MTUS2: variants seen among roughly 807,000 people sequenced by gnomAD.
MTUS2 encodes the protein microtubule associated scaffold protein 2.
MTUS2 carries 40 observed loss-of-function variants against 114.1 expected under a neutral mutation model. That is an observed-to-expected ratio of 0.35 (90% CI 0.27 to 0.46). The LOEUF (loss-of-function observed/expected upper bound fraction) is 0.46, where lower values mean the gene tolerates loss of function less well. Ranked by LOEUF, MTUS2 falls within the 20% of genes least tolerant of loss-of-function variation. The pLI, the probability that MTUS2 is intolerant of heterozygous loss-of-function variation, is 1.00. For missense variants in MTUS2, 1,679 were observed against 1,705.4 expected (o/e 0.98, Z 0.27); for synonymous variants, 688 against 672.0 (o/e 1.02, Z -0.37).
chr13:28,848,703 T>C (rs77527231), intron 2 of MTUS2, among the ~76,000 whole-genome samples: 6,471 of 152,190 alleles, frequency 0.043, 414 homozygotes, highest in African/African-American at 0.13. Context: ...AGCCCCACCC[T>C]ATTCCCTGCC....
intron 2 of MTUS2, among the ~76,000 whole-genome samples, chr13:28,987,343 G>A (rs567569909): frequency 2.6e-5 from 4 of 152,268 alleles, no homozygotes; most frequent in South Asian, 2.1e-4. Flanking sequence ...AGATCGAGTC[G>A]CATTGCACAG....
At chr13:29,030,473 C>T (rs922991433) in intron 3 of MTUS2, among the ~76,000 whole-genome samples, 1 of 152,194 alleles carries the variant, frequency 6.6e-6, no homozygotes, top group East Asian at 1.9e-4. Context: ...GCGCTGGGCT[C>T]ATTTCTGTGG....
At chr13:29,401,175 A>G (rs1254217963) in intron 8 of MTUS2, among the ~76,000 whole-genome samples, 1 of 152,054 alleles carries the variant, frequency 6.6e-6, no homozygotes. Flanking sequence ...TTTAGTAGAG[A>G]CGGTCTCACC....
chr13:29,121,657 C>CTT (rs547034297), intron 5 of MTUS2, among the ~76,000 whole-genome samples: 16 of 142,286 alleles, frequency 1.1e-4, no homozygotes, highest in African/African-American at 2.5e-4. Context: ...CACTTTTTCA[C>CTT]TTTTTTTTTT....
At chr13:29,113,545 A>G (rs539135851) in intron 5 of MTUS2, among the ~76,000 whole-genome samples, 130 of 152,202 alleles carry the variant, frequency 8.5e-4, no homozygotes, top group Non-Finnish European at 1.6e-3. Context: ...AGCCATTGAA[A>G]TGGGGCTGGC....
intron 12 of MTUS2, among the ~76,000 whole-genome samples, chr13:29,495,860 G>C (rs1882517209): frequency 1.3e-5 from 2 of 152,086 alleles, no homozygotes; most frequent in Admixed American, 6.5e-5. Flanking sequence ...GACAGAGTGA[G>C]ACCCTGTCTC....
At chr13:29,492,025 TGTGTGTA>T (rs1483474436) in intron 11 of MTUS2, among the ~76,000 whole-genome samples, 12 of 145,640 alleles carry the variant, frequency 8.2e-5, no homozygotes, top group East Asian at 4.2e-4. Context: ...GTGGTAGGTG[TGTGTGTA>T]GTGTGTGTGT....
chr13:29,495,203 A>AG (rs1224759708), intron 12 of MTUS2, among the ~76,000 whole-genome samples: 38 of 148,536 alleles, frequency 2.6e-4, no homozygotes, highest in Non-Finnish European at 3.7e-4. Context: ...AAAAAAAAAA[A>AG]AAACTTAAGT....
Position 29,025,217 on chromosome 13 carries a change from G to A in MTUS2, c.519G>A (p.Arg173=). Residue 173 remains arginine (R), a synonymous_variant, in exon 3 of 16, where the codon AGG becomes AGA. Coordinates refer to ENST00000612955, the MANE Select transcript of MTUS2 (RefSeq NM_001033602.4). ...AGACCCTTGACAATGAGGAACTGAG[G>A]AGGCATTCTTTGGAAAGAGCAAGCA... ...LAKTLDNEEL[R]RHSLERASSS... 3.7e-6 allele frequency: 6 copies of A among 1,613,990 alleles called. No homozygotes were observed. The highest frequency in any genetic ancestry group is 5.1e-6 in the Non-Finnish European group (6 of 1,179,890).
intron 7 of MTUS2, among the ~76,000 whole-genome samples, chr13:29,331,059 T>C (rs1018988371): frequency 1.3e-5 from 2 of 152,230 alleles, no homozygotes; most frequent in Non-Finnish European, 2.9e-5. Context: ...TGATTCTTTC[T>C]GTCCATGAGC....
rs1434281785 is a variant in MTUS2, at chr13:29,274,397, A to G, written c.2645-7307A>G. Among the ~76,000 whole-genome samples, 4 of 152,168 alleles carry G rather than the reference A, an allele frequency of 2.6e-5. No individual in the cohort carries two copies. In the East Asian group the frequency reaches 7.7e-4, roughly 29 times the overall value. On this transcript the variant is annotated intron_variant, in intron 5 of 15. Transcript: ENST00000612955. ...AGTGCTGGGATTAGAGGTGTGAGCC[A>G]CCACGCCTGGCCAACTCTATGTTTA...
chr13:29,043,660 AT>A (rs1284421885), intron 4 of MTUS2, among the ~76,000 whole-genome samples: 4 of 150,940 alleles, frequency 2.7e-5, no homozygotes, highest in Admixed American at 1.3e-4. Flanking sequence ...GGGTTGTGAT[AT>A]TTTCCTGTTG....
intron 2 of MTUS2, among the ~76,000 whole-genome samples, chr13:28,970,364 G>T (rs1280665496): frequency 1.3e-5 from 2 of 152,150 alleles, no homozygotes; most frequent in Non-Finnish European, 2.9e-5. Context: ...TAGAATAGGG[G>T]TTGGCAACCT....
chr13:29,090,189 A>G (rs1237253927), intron 4 of MTUS2, among the ~76,000 whole-genome samples: 1 of 152,154 alleles, frequency 6.6e-6, no homozygotes, highest in Non-Finnish European at 1.5e-5. Context: ...GGATGCTTTC[A>G]GTGGGCAAAG....
At chr13:28,851,861 G>A (rs1431063409) in intron 2 of MTUS2, among the ~76,000 whole-genome samples, 2 of 152,156 alleles carry the variant, frequency 1.3e-5, no homozygotes, top group Admixed American at 6.5e-5. Context: ...TGGAGCGGGT[G>A]GCATTGTAGG....
intron 2 of MTUS2, among the ~76,000 whole-genome samples, chr13:28,845,087 A>G (rs1485040776): frequency 6.6e-6 from 1 of 151,942 alleles, no homozygotes; most frequent in Non-Finnish European, 1.5e-5. Context: ...TTTTGAAGCT[A>G]AGACTATAGG....
intron 2 of MTUS2, among the ~76,000 whole-genome samples, chr13:28,917,084 G>A (rs756329236): frequency 1.3e-4 from 19 of 151,672 alleles, no homozygotes; most frequent in Admixed American, 3.3e-4. Context: ...CACTTAGGTC[G>A]AACCATCCTT....
intron 4 of MTUS2, among the ~76,000 whole-genome samples, chr13:29,066,253 C>T (rs1888661631): frequency 2.0e-5 from 3 of 152,168 alleles, no homozygotes; most frequent in Non-Finnish European, 4.4e-5. Flanking sequence ...TCTTCACTTT[C>T]TTTATTGTGA....
intron 2 of MTUS2, among the ~76,000 whole-genome samples, chr13:28,967,274 T>G (rs1883639362): frequency 6.6e-6 from 1 of 152,192 alleles, no homozygotes; most frequent in Non-Finnish European, 1.5e-5. Context: ...TAATATTCCT[T>G]GTGCACCATT....
Sources: gnomAD v4.1 joint callset for allele counts (sites outside exome capture counted in the v4.1 genomes callset) on GRCh38, gnomAD v4.1.1 for gene constraint, MANE v1.5 for transcripts, NCBI Gene and HGNC (gene_info 2026-07-23, HGNC 2026-07-21) for gene names.